OR10A3: variants seen among roughly 807,000 people sequenced by gnomAD.
The protein encoded by OR10A3 is olfactory receptor 10A3.
In OR10A3, 1 loss-of-function variant was observed where a neutral mutation model predicts 1.5. That is an observed-to-expected ratio of 0.66 (90% CI 0.23 to 3.11). The LOEUF (loss-of-function observed/expected upper bound fraction) is 3.11, where lower values mean the gene tolerates loss of function less well. OR10A3 is among the 30% of genes most tolerant of loss of function. The pLI, the probability that OR10A3 is intolerant of heterozygous loss-of-function variation, is 0.21. For missense variants in OR10A3, 398 were observed against 369.7 expected (o/e 1.08, Z -0.63); for synonymous variants, 145 against 143.7 (o/e 1.01, Z -0.06).
rs1016768059 is a variant in OR10A3 at position 7,939,602 on chromosome 11, T to C, written c.-82A>G. The C allele has an allele frequency of 1.8e-6, 2 of 1,101,972 alleles. No individual in the cohort carries two copies. The highest frequency in any genetic ancestry group is 5.6e-5 in the Admixed American group (2 of 35,546). The allele number at this position is 1,101,972 out of a possible 1,614,324, so 68.3% of individuals were successfully genotyped here. On this transcript the variant is annotated 5_prime_UTR_variant, in exon 2 of 2. Transcript: ENST00000642047. Reference sequence around the variant, plus strand: ...GTAATCCCATAGCTGTGAGTTCAAGTCTGGAATTCTTGACAGCAGATGTAA... The same window carrying C: ...GTAATCCCATAGCTGTGAGTTCAAGCCTGGAATTCTTGACAGCAGATGTAA...
At chr11:7,939,970 G>A (rs908212830) in intron 1 of OR10A3, among the ~76,000 whole-genome samples, 1 of 152,182 alleles carries the variant, frequency 6.6e-6, no homozygotes, top group African/African-American at 2.4e-5. Flanking sequence ...CCTGGATTGC[G>A]AGCTAGTCTG....
intron 1 of OR10A3, among the ~76,000 whole-genome samples, chr11:7,940,542 A>G (rs766123681): frequency 6.6e-6 from 1 of 151,756 alleles, no homozygotes; most frequent in African/African-American, 2.4e-5. Context: ...CGTTCCTCCA[A>G]TCTGTACCTC....
chr11:7,940,409 G>A (rs894464346), intron 1 of OR10A3, among the ~76,000 whole-genome samples: 1 of 151,886 alleles, frequency 6.6e-6, no homozygotes, highest in Admixed American at 6.6e-5. Flanking sequence ...TTAAAATCTG[G>A]AGTCCTCCTG....
Position 7,939,050 on chromosome 11 carries a change from A to T in OR10A3, c.471T>A (p.Thr157=), listed in dbSNP as rs1305140543. The T allele has an allele frequency of 1.9e-6, 3 of 1,613,902 alleles. No homozygotes were observed. The highest frequency in any genetic ancestry group is 2.5e-6 in the Non-Finnish European group (3 of 1,179,888). ...AACTAAATACCCAAGTGGTCTGCAC[A>T]GTAGCCACCATGATCCCTGAGATCC... ...FSWISGIMVA[T]VQTTWVFSFP... The change falls in exon 2 of 2, where the codon ACT becomes ACA. Residue 157 remains threonine (T), a synonymous_variant. Transcript: ENST00000642047.
rs775878396 is a variant in OR10A3 at position 7,939,540 on chromosome 11, ATTG to A, written c.-23_-21del. On this transcript the variant is annotated 5_prime_UTR_variant, in exon 2 of 2. Transcript: ENST00000642047. The stretch of plus-strand genomic sequence containing the variant: ...TTTCATTTCAGTAGTTGAAACTTAT[ATTG>A]TTTTTATGGACCTGGTATATCGAGT... 4.0e-6 allele frequency: 6 copies of A among 1,518,138 alleles called. No individual in the cohort carries two copies. Among genetic ancestry groups the A allele is most frequent in the South Asian group, 1.3e-5 (1 of 75,668 alleles). 94.0% of individuals were successfully genotyped at this position (1,518,138 alleles called of 1,614,324 possible).
chr11:7,938,863 G>C lies in OR10A3; in HGVS notation c.658C>G (p.Arg220Gly). 1 of 1,614,142 alleles carries C rather than the reference G, an allele frequency of 6.2e-7. No individual in the cohort carries two copies. Among genetic ancestry groups the C allele is most frequent in the Non-Finnish European group, 8.5e-7 (1 of 1,180,028 alleles). ...PFLLILLSYI[R>G]VLFAILKMPS... is the part of the protein sequence containing the mutation. ...ATCTTCAGGATGGCAAACAGAACTC[G>C]AATGTAAGACAAGAGGATCAACAAG... The change falls in exon 2 of 2, where the codon CGA (arginine) becomes GGA (glycine). Residue 220 changes from arginine to glycine, a missense_variant. Physicochemically the swap from Arg to Gly is moderately radical, Grantham distance 125 (BLOSUM62 -2). Coordinates refer to ENST00000642047, the MANE Select transcript of OR10A3 (RefSeq NM_001003745.2).
chr11:7,939,381 A>G lies in OR10A3; in HGVS notation c.140T>C (p.Val47Ala). 1 of 1,614,180 alleles carries G rather than the reference A, an allele frequency of 6.2e-7. No homozygotes were observed. Among genetic ancestry groups the G allele is most frequent in the South Asian group, 1.1e-5 (1 of 91,082 alleles). Residue 47 changes from valine to alanine, a missense_variant, in exon 2 of 2, where the codon GTC becomes GCC. Val to Ala is a moderately conservative substitution (Grantham distance 64, BLOSUM62 0). Coordinates refer to ENST00000642047, the MANE Select transcript of OR10A3 (RefSeq NM_001003745.2). Reference protein sequence around the residue: ...VTLMGNAIITVIISLNQSLHV... With the variant: ...VTLMGNAIITAIISLNQSLHV... ...GAGGCTCTGGTTTAAGGAGATGATG[A>G]CTGTAATGATGGCATTTCCCATCAG... is the stretch of plus-strand genomic sequence containing the variant.
chr11:7,940,103 G>C (rs1041983932), intron 1 of OR10A3, among the ~76,000 whole-genome samples: 1 of 152,254 alleles, frequency 6.6e-6, no homozygotes, highest in Middle Eastern at 3.4e-3. Context: ...CTCTGACATA[G>C]GTGTTTCTCT....
chr11:7,937,531 C>T lies in OR10A3; in HGVS notation c.*1045G>A, dbSNP rs1941372912. 1 of 152,118 alleles carries T rather than the reference C, an allele frequency of 6.6e-6. No individual in the cohort carries two copies. Among genetic ancestry groups the T allele is most frequent in the Non-Finnish European group, 1.5e-5 (1 of 68,022 alleles). 9.4% of individuals were successfully genotyped at this position (152,118 alleles called of 1,614,324 possible). A position where few individuals can be genotyped will look rare whatever the true frequency, so the allele number is the denominator to read the frequency against. On this transcript the variant is annotated 3_prime_UTR_variant, in exon 2 of 2. Transcript: ENST00000642047. ...GGAAACTTCATAAAAGTTTCTAAAT[C>T]AGTGGTCTGTAAATGAAAAAGATAC...
chr11:7,937,470 T>C lies in OR10A3; in HGVS notation c.*1106A>G, dbSNP rs1941371575. The C allele has an allele frequency of 6.6e-6, 1 of 152,168 alleles. No homozygotes were observed. 9.4% of individuals were successfully genotyped at this position (152,168 alleles called of 1,614,324 possible). A position where few individuals can be genotyped will look rare whatever the true frequency, so the allele number is the denominator to read the frequency against. On this transcript the variant is annotated 3_prime_UTR_variant, in exon 2 of 2. Transcript: ENST00000642047. ...TTCTTTTGGCATAGTGAGTTTGGGG[T>C]TCCAAGATTTTACTTTCCTGTCACA...
Position 7,939,231 on chromosome 11 carries a change from C to G in OR10A3, c.290G>C (p.Cys97Ser), listed in dbSNP as rs1237752564. 1.2e-6 allele frequency: 2 copies of G among 1,614,186 alleles called. No homozygotes were observed. Among genetic ancestry groups the G allele is most frequent in the Non-Finnish European group, 1.7e-6 (2 of 1,180,048 alleles). The part of the protein sequence containing the change: ...TEKTMISFVG[C>S]FAQMYFILLF... ...AAGGATGAAATACATCTGTGCAAAA[C>G]AGCCCACAAAAGAAATCATAGTTTT... The change falls in exon 2 of 2, where the codon TGT becomes TCT. Residue 97 changes from cysteine (C) to serine (S), a missense_variant. By Grantham distance (112) the Cys-to-Ser change is moderately radical (BLOSUM62 -1). Coordinates refer to ENST00000642047, the MANE Select transcript of OR10A3 (RefSeq NM_001003745.2).
Position 7,939,367 on chromosome 11 carries a change from T to C in OR10A3, c.154A>G (p.Asn52Asp). The part of the protein sequence containing the change: ...NAIITVIISL[N>D]QSLHVPMYLF... ...TACATGGGAACGTGGAGGCTCTGGT[T>C]TAAGGAGATGATGACTGTAATGATG... The change falls in exon 2 of 2, where the codon AAC (asparagine) becomes GAC (aspartate). Residue 52 changes from asparagine to aspartate, a missense_variant. Transcript: ENST00000642047. 6.2e-7 allele frequency: 1 copy of C among 1,614,094 alleles called. No individual in the cohort carries two copies. Among genetic ancestry groups the C allele is most frequent in the Non-Finnish European group, 8.5e-7 (1 of 1,180,006 alleles).
In OR10A3 at chr11:7,938,106, C is replaced by G. The variant is rs1941381003; in HGVS notation, c.*470G>C. The stretch of plus-strand genomic sequence containing the variant: ...ATCATCTAAGGTTGGGAGTTTGAGA[C>G]CAGCCTGACCAGCATGGTGAAACCC... On this transcript the variant is annotated 3_prime_UTR_variant, in exon 2 of 2. Transcript: ENST00000642047. 1.3e-5 allele frequency: 2 copies of G among 156,252 alleles called. No homozygotes were observed. The highest frequency in any genetic ancestry group is 4.8e-5 in the African/African-American group (2 of 41,386). The allele number at this position is 156,252 out of a possible 1,614,324, so 9.7% of individuals were successfully genotyped here.
Position 7,938,502 on chromosome 11 carries a change from G to A in OR10A3, c.*74C>T. 2 of 1,190,358 alleles carry A rather than the reference G, an allele frequency of 1.7e-6. No homozygotes were observed. Among genetic ancestry groups the A allele is most frequent in the Non-Finnish European group, 2.4e-6 (2 of 847,488 alleles). The allele number at this position is 1,190,358 out of a possible 1,614,324, so 73.7% of individuals were successfully genotyped here. On this transcript the variant is annotated 3_prime_UTR_variant, in exon 2 of 2. Coordinates refer to ENST00000642047, the MANE Select transcript of OR10A3 (RefSeq NM_001003745.2). ...CATAGTCATACAAAAAATGCAGTCT[G>A]TTTTCACCCTTTATTAAATTTAAAT...
Position 7,941,630 on chromosome 11 carries a change from TG to T in OR10A3, c.-223del, listed in dbSNP as rs375655387. 6.6e-6 allele frequency: 1 copy of T among 152,138 alleles called. No individual in the cohort carries two copies. Among genetic ancestry groups the T allele is most frequent in the African/African-American group, 2.4e-5 (1 of 41,418 alleles). The allele number at this position is 152,138 out of a possible 1,614,324, so 9.4% of individuals were successfully genotyped here. A position where few individuals can be genotyped will look rare whatever the true frequency, so the allele number is the denominator to read the frequency against. ...CTTGATAAGTATCTCCAATTATCAG[TG>T]AGGATAACTACAGAAGGCAAACCCA... On this transcript the variant is annotated 5_prime_UTR_variant, in exon 1 of 2. Transcript: ENST00000642047.
rs1350483391 is a variant in OR10A3, at chr11:7,937,984, G to A, written c.*592C>T. 6.5e-6 allele frequency: 1 copy of A among 153,820 alleles called. No homozygotes were observed. The highest frequency in any genetic ancestry group is 2.4e-5 in the African/African-American group (1 of 41,428). 9.5% of individuals were successfully genotyped at this position (153,820 alleles called of 1,614,324 possible). On this transcript the variant is annotated 3_prime_UTR_variant, in exon 2 of 2. Coordinates refer to ENST00000642047, the MANE Select transcript of OR10A3 (RefSeq NM_001003745.2). ...CAGTACATATGAGCATATGGAACAA[G>A]GCATTTATTGAAGCACTGTCTTAAT...
In OR10A3 at chr11:7,939,124, G is replaced by T. The variant is rs371796764; in HGVS notation, c.397C>A (p.Pro133Thr). ...AAAACCCCTCTGTTCATAATCACTG[G>T]GTAGTTCAGAGGATGGCAAATTGCA... ...FAAICHPLNY[P>T]VIMNRGVFMK... Residue 133 changes from proline (P) to threonine (T), a missense_variant, in exon 2 of 2, where the codon CCA becomes ACA. Transcript: ENST00000642047. 1.9e-6 allele frequency: 3 copies of T among 1,614,086 alleles called. No homozygotes were observed.
At position 7,937,201 on chromosome 11, in the gene OR10A3, C is replaced by T. The variant is rs1941367395; in HGVS notation, c.*1375G>A. 1 of 152,116 alleles carries T rather than the reference C, an allele frequency of 6.6e-6. No homozygotes were observed. Among genetic ancestry groups the T allele is most frequent in the African/African-American group, 2.4e-5 (1 of 41,404 alleles). The allele number at this position is 152,116 out of a possible 1,614,324, so 9.4% of individuals were successfully genotyped here. ...AACCTAAAACCAGTTTAAATAGACA[C>T]ACAGATATATATATGTATTGCCTAT... On this transcript the variant is annotated 3_prime_UTR_variant, in exon 2 of 2. Coordinates refer to ENST00000642047, the MANE Select transcript of OR10A3 (RefSeq NM_001003745.2).
rs1170224473 is a variant in OR10A3, at chr11:7,938,199, G to T, written c.*377C>A. ...CATGCCTGTAATCCCAACTACTCGG[G>T]AGGCTGAGGCAGGAGAATTGCTAGA... On this transcript the variant is annotated 3_prime_UTR_variant, in exon 2 of 2. Transcript: ENST00000642047. 5.9e-6 allele frequency: 1 copy of T among 170,456 alleles called. No individual in the cohort carries two copies. Among genetic ancestry groups the T allele is most frequent in the Non-Finnish European group, 1.3e-5 (1 of 79,922 alleles). 10.6% of individuals were successfully genotyped at this position (170,456 alleles called of 1,614,324 possible).
Sources: gnomAD v4.1 joint callset for allele counts (sites outside exome capture counted in the v4.1 genomes callset) on GRCh38, gnomAD v4.1.1 for gene constraint, MANE v1.5 for transcripts, NCBI Gene and HGNC (gene_info 2026-07-23, HGNC 2026-07-21) for gene names.